Variants in PPP2R5C observed in about 807,000 individuals in gnomAD.
The protein encoded by PPP2R5C is protein phosphatase 2 regulatory subunit B'gamma, also known as serine/threonine-protein phosphatase 2A 56 kDa regulatory subunit gamma isoform.
PPP2R5C carries 7 observed loss-of-function variants against 68.9 expected under a neutral mutation model. That is an observed-to-expected ratio of 0.10 (90% confidence interval 0.06 to 0.19). PPP2R5C has a LOEUF of 0.19. Among genes scored for constraint, PPP2R5C ranks in the 10% least tolerant of loss-of-function variants. The probability of loss-of-function intolerance (pLI) is 1.00; values close to 1 mark genes in which losing one functional copy is unlikely to be tolerated. For synonymous variants in PPP2R5C, 210 were observed against 222.2 expected (o/e 0.95, Z 0.49); for missense variants, 348 against 641.3 (o/e 0.54, Z 4.94).
intron 1 of PPP2R5C, chr14:101,819,974 A>G (rs1351310417): frequency 6.6e-6 from 1 of 152,188 alleles, no homozygotes; most frequent in East Asian, 1.9e-4. Context: ...AAGCCGTTCT[A>G]GCATGCTGGA....
chr14:101,801,220 T>G (rs1213632772), intron 3 of PPP2R5C, among the ~76,000 whole-genome samples: 1 of 152,204 alleles, frequency 6.6e-6, no homozygotes, highest in Non-Finnish European at 1.5e-5. Context: ...TTGTAATGTT[T>G]CCAACACAAA....
At chr14:101,900,281 AT>A (rs2045600783) in intron 8 of PPP2R5C, among the ~76,000 whole-genome samples, 2 of 152,326 alleles carry the variant, frequency 1.3e-5, no homozygotes, top group South Asian at 4.1e-4. Flanking sequence ...TCAAAACAAA[AT>A]TTTTCTAAAT....
At chr14:101,765,269 C>T (rs2036792779) in intron 2 of PPP2R5C, 1 of 702,786 alleles carries the variant, frequency 1.4e-6, no homozygotes, top group Non-Finnish European at 2.6e-6. Flanking sequence ...GCATATTAAG[C>T]TTGACACTTG....
chr14:101,915,275 T>C lies in PPP2R5C; in HGVS notation c.1327-2556T>C, dbSNP rs1316679411. On this transcript the variant is annotated intron_variant, in intron 12 of 13. Transcript: ENST00000334743. This position sits in a 1 kb window ranked among gnomAD's most constrained non-coding sequence, Gnocchi z 4.2. Reference sequence around the variant, plus strand: ...TTTTGTATTTTTAGTAGAGACGGGGTTTCACTATGTTGGCCAGGCTGGTCT... The same window carrying C: ...TTTTGTATTTTTAGTAGAGACGGGGCTTCACTATGTTGGCCAGGCTGGTCT... Among the ~76,000 whole-genome samples the C allele has an allele frequency of 6.6e-6, 1 of 152,014 alleles. No homozygotes were observed. The highest frequency in any genetic ancestry group is 2.4e-5 in the African/African-American group (1 of 41,392).
In PPP2R5C at chr14:101,873,521, T is replaced by G. The variant is rs1031043738; in HGVS notation, c.295-8640T>G. Among the ~76,000 whole-genome samples, 18 of 152,204 alleles carry G rather than the reference T, an allele frequency of 1.2e-4. 1 individual carries two copies. Among genetic ancestry groups the G allele is most frequent in the Admixed American group, 1.0e-3 (16 of 15,282 alleles). ...TTCTGATTAGGAAGCCAGTGCCCTA[T>G]GGATTATGAATTTTTCCCATCTGGT... On this transcript the variant is annotated intron_variant, in intron 2 of 13. Coordinates refer to ENST00000334743, the Ensembl canonical transcript of PPP2R5C.
At position 101,862,727 on chromosome 14, in the gene PPP2R5C, A is replaced by G. The variant is rs574046155; in HGVS notation, c.294+5842A>G. On this transcript the variant is annotated intron_variant, in intron 2 of 13. Transcript: ENST00000334743. ...ACAGACATTAAAGAAATTTACAGAAATGTAAAACAGTGCCACTTTGCTCAC... is the reference window on the plus strand; with the variant it reads ...ACAGACATTAAAGAAATTTACAGAAGTGTAAAACAGTGCCACTTTGCTCAC... Among the ~76,000 whole-genome samples, 7 of 152,332 alleles carry G rather than the reference A, an allele frequency of 4.6e-5. No individual in the cohort carries two copies. The East Asian group carries it at 1.2e-3, about 25-fold the overall frequency.
intron 1 of PPP2R5C, among the ~76,000 whole-genome samples, chr14:101,841,810 C>A (rs72715668): frequency 0.074 from 11,228 of 152,242 alleles, 453 homozygotes; most frequent in Middle Eastern, 0.14. Context: ...GGCTCCAGGG[C>A]CAGGTGGACA....
Position 101,797,590 on chromosome 14 carries a change from G to A in PPP2R5C, c.259+11407G>A, listed in dbSNP as rs557362447. On this transcript the variant is annotated intron_variant, in intron 3 of 14. Transcript: ENST00000328724. The surrounding 1 kb of genome is among the most constrained non-coding windows in gnomAD (Gnocchi z 4.2). ...CTATCCCTTCACCTCCCTCCACCTC[G>A]GATTTCCTCTTGGAAAATGAGGCTC... 11 of 232,918 alleles carry A rather than the reference G, an allele frequency of 4.7e-5. No individual in the cohort carries two copies. The highest frequency in any genetic ancestry group is 6.8e-5 in the African/African-American group (3 of 44,140). 14.4% of individuals were successfully genotyped at this position (232,918 alleles called of 1,614,324 possible). A position where few individuals can be genotyped will look rare whatever the true frequency, so the allele number is the denominator to read the frequency against.
At position 101,811,962 on chromosome 14, in the gene PPP2R5C, C is replaced by T. The variant is rs115094052; in HGVS notation, c.94+1926C>T. 5.6e-3 allele frequency among the ~76,000 whole-genome samples: 849 copies of T among 152,026 alleles called. 6 individuals carry two copies. Among genetic ancestry groups the T allele is most frequent in the African/African-American group, 0.019 (802 of 41,452 alleles). On this transcript the variant is annotated intron_variant, in intron 1 of 13. Transcript: ENST00000334743. Reference sequence around the variant, plus strand: ...GCTGTATAATTGTGGAGGGAAAAAGCAGTGAAGTGTATTAGCCTGAAAGAG... The same window carrying T: ...GCTGTATAATTGTGGAGGGAAAAAGTAGTGAAGTGTATTAGCCTGAAAGAG...
chr14:101,900,720 C>T (rs1595509265), intron 8 of PPP2R5C, among the ~76,000 whole-genome samples: 1 of 152,182 alleles, frequency 6.6e-6, no homozygotes, highest in East Asian at 1.9e-4. Flanking sequence ...AGAAAGGTTG[C>T]CCAGTGGAAA....
In PPP2R5C at chr14:101,919,979, A is replaced by ACAAAAAAAAAAC. The variant is rs72023751; in HGVS notation, c.1443+2032_1443+2033insCAAAAAAAAAAC. Among the ~76,000 whole-genome samples the ACAAAAAAAAAAC allele has an allele frequency of 5.6e-3, 833 of 148,096 alleles. 35 individuals are homozygous for ACAAAAAAAAAAC. The highest frequency in any genetic ancestry group is 0.021 in the African/African-American group (784 of 38,102). ...AGCAAAACTCCGTCTCAAAAAAAAA[A>ACAAAAAAAAAAC]AAAAAAAAAAAAACCAATTCTTACA... On this transcript the variant is annotated intron_variant, in intron 13 of 13. Coordinates refer to ENST00000334743, the Ensembl canonical transcript of PPP2R5C.
chr14:101,796,309 A>G (rs1303902821), intron 3 of PPP2R5C, among the ~76,000 whole-genome samples: 1 of 152,200 alleles, frequency 6.6e-6, no homozygotes, highest in Non-Finnish European at 1.5e-5. Flanking sequence ...AGAGCCGCGC[A>G]GGGAATCTCT....
chr14:101,841,798 A>G (rs577707229), intron 1 of PPP2R5C, among the ~76,000 whole-genome samples: 112 of 152,340 alleles, frequency 7.4e-4, no homozygotes, highest in African/African-American at 2.6e-3. Context: ...GTCAGGGAGC[A>G]GGGCTCCAGG....
At chr14:101,924,966 A>T (rs1209139676) in intron 13 of PPP2R5C, among the ~76,000 whole-genome samples, 175 bp from the exon 16 acceptor site, 2 of 152,170 alleles carry the variant, frequency 1.3e-5, no homozygotes, top group African/African-American at 4.8e-5. Context: ...GTAGCAAGAC[A>T]TTTTTGGCAA....
intron 2 of PPP2R5C, among the ~76,000 whole-genome samples, chr14:101,773,649 C>T (rs1463721368): frequency 1.3e-5 from 2 of 152,022 alleles, no homozygotes; most frequent in African/African-American, 4.8e-5. Flanking sequence ...TTATAAACAG[C>T]CTGCCTAGAC....
At chr14:101,774,203 T>C (rs1166320547) in intron 2 of PPP2R5C, among the ~76,000 whole-genome samples, 1 of 152,218 alleles carries the variant, frequency 6.6e-6, no homozygotes, top group Non-Finnish European at 1.5e-5. Context: ...TGGGTGGGCT[T>C]GTCATCTGAC....
intron 1 of PPP2R5C, chr14:101,839,408 G>A (rs534478967): frequency 2.0e-5 from 3 of 151,696 alleles, no homozygotes; most frequent in East Asian, 3.9e-4. Context: ...AGGTGGCACA[G>A]GGCCTGTGAG....
chr14:101,816,271 G>A (rs1304920530), intron 1 of PPP2R5C, among the ~76,000 whole-genome samples: 1 of 152,164 alleles, frequency 6.6e-6, no homozygotes, highest in African/African-American at 2.4e-5. Context: ...CTGTCACACT[G>A]GAAATAGGAC....
intron 1 of PPP2R5C, chr14:101,819,600 GGTTT>G (rs2039924740): frequency 6.5e-6 from 1 of 153,034 alleles, no homozygotes; most frequent in South Asian, 2.0e-4. Context: ...TTTTTGTTTG[GGTTT>G]GTTTTTAGTT....
Sources: allele counts gnomAD v4.1 joint callset (sites outside exome capture counted in the v4.1 genomes callset), GRCh38; gene constraint gnomAD v4.1.1; non-coding constraint Gnocchi (gnomAD v3.1); transcripts MANE v1.5; gene names NCBI Gene and HGNC (gene_info 2026-07-23, HGNC 2026-07-21).